Variants in MNAT1 observed in about 807,000 individuals in gnomAD.
The protein encoded by MNAT1 is CDK-activating kinase assembly factor MAT1.
MNAT1 carries 43 observed loss-of-function variants against 42.0 expected under a neutral mutation model. The observed-to-expected ratio is 1.02, with a 90% confidence interval of 0.80 to 1.32. The LOEUF (loss-of-function observed/expected upper bound fraction) is 1.32, where lower values mean the gene tolerates loss of function less well. MNAT1 is among the 40% of genes most tolerant of loss of function. The pLI is 0.00. For synonymous variants in MNAT1, 118 were observed against 120.0 expected (o/e 0.98, Z 0.11); for missense variants, 306 against 350.4 (o/e 0.87, Z 1.01).
intron 7 of MNAT1, among the ~76,000 whole-genome samples, chr14:60,891,885 C>T (rs2034852860): frequency 6.6e-6 from 1 of 151,908 alleles, no homozygotes; most frequent in South Asian, 2.1e-4. Context: ...TCTAATTTTC[C>T]TTGCGATTTT....
At chr14:60,857,680 T>G (rs1293023280) in intron 6 of MNAT1, among the ~76,000 whole-genome samples, 1 of 152,136 alleles carries the variant, frequency 6.6e-6, no homozygotes, top group African/African-American at 2.4e-5. Flanking sequence ...CCCCATCAAC[T>G]TGTCATTTAC....
At chr14:60,892,244 G>A (rs747825692) in intron 7 of MNAT1, among the ~76,000 whole-genome samples, 1 of 152,140 alleles carries the variant, frequency 6.6e-6, no homozygotes, top group East Asian at 1.9e-4. Flanking sequence ...ATTGAGAGGG[G>A]AGTATTGAAG....
chr14:60,939,211 GT>G (rs1488769160), intron 7 of MNAT1, among the ~76,000 whole-genome samples: 2 of 152,066 alleles, frequency 1.3e-5, no homozygotes, highest in African/African-American at 4.8e-5. Flanking sequence ...TTGTTGAAGG[GT>G]TTTTTGTGTG....
chr14:60,769,172 T>C (rs1476873136), intron 1 of MNAT1, among the ~76,000 whole-genome samples: 1 of 152,200 alleles, frequency 6.6e-6, no homozygotes, highest in Non-Finnish European at 1.5e-5. Context: ...CTTTTTCTTT[T>C]CTTCATAGAT....
In MNAT1 at chr14:60,922,442, C is replaced by T. The variant is rs140606599; in HGVS notation, c.809+42607C>T. On this transcript the variant is annotated intron_variant, in intron 7 of 7. Transcript: ENST00000261245. The stretch of plus-strand genomic sequence containing the variant: ...ATTTATTATAGAGATGCATATGTTA[C>T]CACAGAAATCTGAAATTGATTTGGA... Among the ~76,000 whole-genome samples, 137 of 152,104 alleles carry T rather than the reference C, an allele frequency of 9.0e-4. 1 individual carries two copies. The highest frequency in any genetic ancestry group is 3.1e-3 in the African/African-American group (127 of 41,490).
At chr14:60,932,335 G>A (rs1242495238) in intron 7 of MNAT1, among the ~76,000 whole-genome samples, 1 of 151,930 alleles carries the variant, frequency 6.6e-6, no homozygotes, top group Non-Finnish European at 1.5e-5. Context: ...TGCTATAGGT[G>A]TTCATTGTTG....
chr14:60,939,487 G>T (rs1051980340), intron 7 of MNAT1, among the ~76,000 whole-genome samples: 6 of 152,100 alleles, frequency 3.9e-5, no homozygotes, highest in Admixed American at 1.3e-4. Context: ...ATTTCGTTAT[G>T]TACCCAGTAG....
chr14:60,817,894 G>A (rs944481617), intron 5 of MNAT1, among the ~76,000 whole-genome samples: 3 of 151,990 alleles, frequency 2.0e-5, no homozygotes, highest in Non-Finnish European at 2.9e-5. Context: ...GTGTTTGTGT[G>A]TGTGTGTTTG....
intron 7 of MNAT1, among the ~76,000 whole-genome samples, chr14:60,932,019 TCTTA>T (rs1344352224): frequency 5.3e-5 from 8 of 152,044 alleles, no homozygotes; most frequent in Non-Finnish European, 8.8e-5. Context: ...TACTTCTTAC[TCTTA>T]CTAATTTTTT....
intron 1 of MNAT1, among the ~76,000 whole-genome samples, chr14:60,786,220 C>A (rs2031646139): frequency 6.6e-6 from 1 of 151,890 alleles, no homozygotes; most frequent in Non-Finnish European, 1.5e-5. Flanking sequence ...AAACATGTAG[C>A]ATTTCTAATC....
intron 7 of MNAT1, among the ~76,000 whole-genome samples, chr14:60,959,383 C>T (rs2036547432): frequency 1.3e-5 from 2 of 152,146 alleles, no homozygotes; most frequent in Non-Finnish European, 2.9e-5. Context: ...TACTGATAGC[C>T]CCCATCCTTC....
intron 6 of MNAT1, among the ~76,000 whole-genome samples, chr14:60,853,737 T>C (rs1037803956): frequency 2.0e-5 from 3 of 152,228 alleles, no homozygotes; most frequent in African/African-American, 7.2e-5. Flanking sequence ...CCTAGTTTAT[T>C]GAAAGTTTTT....
rs746925467 is a variant in MNAT1, at chr14:60,808,383, C to A, written c.375C>A (p.Tyr125Ter). ...LDNTKKKMEIYQKENKDVIQK... is the reference protein window; with the variant it reads ...LDNTKKKMEI Reference sequence around the variant, plus strand: ...ACACCAAAAAGAAAATGGAGATATACCAAAAGGAAAACAAAGATGTTATTC... The same window carrying A: ...ACACCAAAAAGAAAATGGAGATATAACAAAAGGAAAACAAAGATGTTATTC... Residue 125 changes from tyrosine to a stop codon, truncating the protein, a stop_gained, in exon 4 of 8, where the codon TAC becomes TAA. Transcript: ENST00000261245. LOFTEE classifies it high-confidence loss of function. 7.0e-6 allele frequency: 11 copies of A among 1,580,306 alleles called. No homozygotes were observed. In the South Asian group the frequency reaches 8.3e-5, roughly 12 times the overall value.
chr14:60,918,841 G>A (rs1485993283), intron 7 of MNAT1, among the ~76,000 whole-genome samples: 1 of 151,300 alleles, frequency 6.6e-6, no homozygotes, highest in Non-Finnish European at 1.5e-5. Flanking sequence ...TTCTGAAATT[G>A]GGTTGTGGTG....
intron 7 of MNAT1, among the ~76,000 whole-genome samples, chr14:60,903,396 T>C (rs565957171): frequency 6.6e-6 from 1 of 152,276 alleles, no homozygotes; most frequent in South Asian, 2.1e-4. Flanking sequence ...GTTCAGGAAA[T>C]TTGTTTTAAA....
chr14:60,860,438 C>A (rs1469617565), intron 6 of MNAT1, among the ~76,000 whole-genome samples: 1 of 150,070 alleles, frequency 6.7e-6, no homozygotes, highest in Non-Finnish European at 1.5e-5. Context: ...CTGCAAGCTC[C>A]CCATCCCAGG....
intron 5 of MNAT1, 111 bp downstream of exon 5, chr14:60,812,238 T>G (rs2032576206): frequency 1.9e-6 from 2 of 1,080,108 alleles, no homozygotes; most frequent in Non-Finnish European, 2.5e-6. Context: ...TGTAATCTGG[T>G]TCACCTTTAG....
At chr14:60,876,507 A>G (rs886834889) in intron 6 of MNAT1, among the ~76,000 whole-genome samples, 5 of 152,016 alleles carry the variant, frequency 3.3e-5, no homozygotes, top group Non-Finnish European at 7.4e-5. Flanking sequence ...TTCTGCATCT[A>G]TCACCACCGT....
At chr14:60,931,630 ATGTC>A (rs1331673420) in intron 7 of MNAT1, among the ~76,000 whole-genome samples, 2 of 152,204 alleles carry the variant, frequency 1.3e-5, no homozygotes, top group African/African-American at 4.8e-5. Context: ...TTTCAAAAAT[ATGTC>A]TGTAGATACA....
Sources: gnomAD v4.1 joint callset for allele counts (sites outside exome capture counted in the v4.1 genomes callset) on GRCh38, gnomAD v4.1.1 for gene constraint, MANE v1.5 for transcripts, NCBI Gene and HGNC (gene_info 2026-07-23, HGNC 2026-07-21) for gene names.